Variants in ABR observed in about 807,000 individuals in gnomAD.
ABR encodes the protein ABR activator of RhoGEF and GTPase, also known as active breakpoint cluster region-related protein.
Under a neutral mutation model 107.2 loss-of-function variants are expected in ABR, and 35 were observed. The observed-to-expected ratio is 0.33, with a 90% CI of 0.25 to 0.43. The LOEUF is 0.43. Ranked by LOEUF, ABR falls within the 20% of genes least tolerant of loss-of-function variation. The pLI, the probability that ABR is intolerant of heterozygous loss-of-function variation, is 1.00. For synonymous variants in ABR, 498 were observed against 462.0 expected (o/e 1.08, Z -1.00); for missense variants, 815 against 1,115.2 (o/e 0.73, Z 3.83).
At chr17:1,032,633 G>A (rs62068335) in intron 16 of ABR, among the ~76,000 whole-genome samples, 6,046 of 82,706 alleles carry the variant, frequency 0.073, 79 homozygotes, top group Non-Finnish European at 0.097. Context: ...AGGACGCCAC[G>A]GGCAACCACC....
At chr17:1,087,372 G>A (rs2036664584) in intron 4 of ABR, among the ~76,000 whole-genome samples, 1 of 152,182 alleles carries the variant, frequency 6.6e-6, no homozygotes, top group Non-Finnish European at 1.5e-5. Context: ...TCCCAGTACA[G>A]AGGCAGAGCC....
chr17:1,060,870 T>G (rs1567676020), intron 10 of ABR, among the ~76,000 whole-genome samples: 1 of 152,034 alleles, frequency 6.6e-6, no homozygotes, highest in Non-Finnish European at 1.5e-5. Context: ...CGGACGCCTT[T>G]ATTCCCAGCT....
Position 1,129,200 on chromosome 17 carries a change from G to A in ABR, c.62-3833C>T, listed in dbSNP as rs79713909. 5.5e-3 allele frequency among the ~76,000 whole-genome samples: 839 copies of A among 152,288 alleles called. 10 individuals are homozygous for A. The highest frequency in any genetic ancestry group is 0.019 in the African/African-American group (794 of 41,552). On this transcript the variant is annotated intron_variant, in intron 1 of 22. Transcript: ENST00000302538. ...TGTTGGAGGGTGGAGGGCAAGGGGA[G>A]GGAGAGCATTAGGACAAATACCTAA...
chr17:1,011,883 G>A lies in ABR; in HGVS notation c.2064C>T (p.Ala688=). The A allele has an allele frequency of 1.2e-6, 2 of 1,600,692 alleles. No homozygotes were observed. Residue 688 remains alanine (A), a synonymous_variant, in exon 19 of 23, where the codon GCC becomes GCT. Transcript: ENST00000302538. The surrounding 1 kb of genome is among the most constrained non-coding windows in gnomAD (Gnocchi z 4.8). The part of the protein sequence containing the change: ...EVGIYRISGV[A]TDIQALKAVF... Reference sequence around the variant, plus strand: ...CGGCCTTGAGCGCCTGGATGTCCGTGGCCACGCCCGATATCCTGTAGATGC... The same window carrying A: ...CGGCCTTGAGCGCCTGGATGTCCGTAGCCACGCCCGATATCCTGTAGATGC...
chr17:1,210,008 C>T lies in ABR; in HGVS notation c.838+18785G>A, dbSNP rs574701367. On this transcript the variant is annotated intron_variant, in intron 1 of 22. Transcript: ENST00000574139. This position sits in a 1 kb window ranked among gnomAD's most constrained non-coding sequence, Gnocchi z 5.6. ...GAAAACAGATACATATGCCAAAGTG[C>T]CTTCAGAACCTCCAACAAATTAAAA... 4.6e-5 allele frequency among the ~76,000 whole-genome samples: 7 copies of T among 152,264 alleles called. No homozygotes were observed. In the South Asian group the frequency reaches 1.2e-3, roughly 27 times the overall value.
chr17:1,142,776 C>G (rs1165481653), intron 1 of ABR, among the ~76,000 whole-genome samples: 1 of 152,120 alleles, frequency 6.6e-6, no homozygotes, highest in Non-Finnish European at 1.5e-5. Flanking sequence ...GAACCACAGA[C>G]AGGCAGGGGT....
chr17:1,174,842 C>A (rs540476343), intron 1 of ABR, among the ~76,000 whole-genome samples: 44 of 152,076 alleles, frequency 2.9e-4, no homozygotes, highest in African/African-American at 1.1e-3. Context: ...GTCCTAAACA[C>A]ACATATAAAG....
chr17:1,042,828 C>T lies in ABR; in HGVS notation c.1791+7222G>A, dbSNP rs570288650. Among the ~76,000 whole-genome samples, 20 of 152,276 alleles carry T rather than the reference C, an allele frequency of 1.3e-4. No individual in the cohort carries two copies. In the East Asian group the frequency reaches 3.1e-3, roughly 23 times the overall value. ...CAGACGTGGCACCTACATCCACGGA[C>T]GGACGGGCAGATAAAGAGACGTGGC... is the stretch of plus-strand genomic sequence containing the variant. On this transcript the variant is annotated intron_variant, in intron 16 of 22. Coordinates refer to ENST00000302538, the MANE Select transcript of ABR (RefSeq NM_021962.5).
intron 1 of ABR, among the ~76,000 whole-genome samples, chr17:1,201,175 A>G (rs1173377731): frequency 6.6e-6 from 1 of 152,174 alleles, no homozygotes; most frequent in East Asian, 1.9e-4. Context: ...CACATCAGCA[A>G]TAGCTTCACG....
rs1356666948 is a variant in ABR, at chr17:1,210,850, AG to A, written c.838+17942del. Among the ~76,000 whole-genome samples the A allele has an allele frequency of 3.9e-5, 6 of 152,194 alleles. No individual in the cohort carries two copies. Among genetic ancestry groups the A allele is most frequent in the Non-Finnish European group, 1.5e-5 (1 of 68,040 alleles). The stretch of plus-strand genomic sequence containing the variant: ...TTGCATCCTTTTAACATCAACCTGT[AG>A]GGCCAGATGGACGGAAAGGGCCCTA... On this transcript the variant is annotated intron_variant, in intron 1 of 22. Coordinates refer to the ABR transcript ENST00000574139. The surrounding 1 kb of genome is among the most constrained non-coding windows in gnomAD (Gnocchi z 5.6).
intron 1 of ABR, among the ~76,000 whole-genome samples, chr17:1,199,226 G>A (rs1598112994): frequency 6.6e-6 from 1 of 150,832 alleles, no homozygotes; most frequent in South Asian, 2.1e-4. Context: ...AGGTGCCAGG[G>A]AAGACTGGGG....
At chr17:1,127,669 G>A (rs929295919) in intron 1 of ABR, among the ~76,000 whole-genome samples, 1 of 152,148 alleles carries the variant, frequency 6.6e-6, no homozygotes, top group South Asian at 2.1e-4. Flanking sequence ...ATAGTGGACC[G>A]CGGCTTTGCC....
intron 1 of ABR, among the ~76,000 whole-genome samples, chr17:1,195,543 G>A (rs1267109169): frequency 1.3e-5 from 2 of 151,904 alleles, no homozygotes; most frequent in Non-Finnish European, 2.9e-5. Flanking sequence ...AGTGGCTCAC[G>A]CCTGTCATCC....
At chr17:1,185,921 T>C (rs761395266) in intron 1 of ABR, among the ~76,000 whole-genome samples, 11 of 151,556 alleles carry the variant, frequency 7.3e-5, no homozygotes, top group Admixed American at 2.0e-4. Context: ...CTGCAACCTC[T>C]GCCTCCTGGG....
At chr17:1,079,502 A>C in intron 5 of ABR, 112 bp from the exon 6 acceptor site, 2 of 1,015,648 alleles carry the variant, frequency 2.0e-6, no homozygotes, top group Non-Finnish European at 3.0e-6. Context: ...ACATATGAGA[A>C]CAGAGGCCGG....
At chr17:1,008,645 G>C (rs558463915) in intron 21 of ABR, among the ~76,000 whole-genome samples, 19 of 152,330 alleles carry the variant, frequency 1.2e-4, no homozygotes, top group African/African-American at 4.6e-4. Context: ...ACCAGCCCCG[G>C]GCGCGTCCAG....
chr17:1,152,748 G>T (rs534911574), intron 1 of ABR, among the ~76,000 whole-genome samples: 1 of 152,032 alleles, frequency 6.6e-6, no homozygotes, highest in South Asian at 2.1e-4. Context: ...TTGGCCAAGC[G>T]CTCTGTTATC....
In ABR at chr17:1,179,296, G is replaced by A. The variant is rs1227830305; in HGVS notation, c.61+371C>T. On this transcript the variant is annotated intron_variant, in intron 1 of 22. Coordinates refer to ENST00000302538, the MANE Select transcript of ABR (RefSeq NM_021962.5). The surrounding 1 kb of genome is among the most constrained non-coding windows in gnomAD (Gnocchi z 4.9). ...AGAGAAGCTGCCGGTCCAGGGGCGG[G>A]GGCAGCACCCAGAAGGGCCTCCCTC... is the stretch of plus-strand genomic sequence containing the variant. Among the ~76,000 whole-genome samples, 1 of 152,132 alleles carries A rather than the reference G, an allele frequency of 6.6e-6. No individual in the cohort carries two copies. The highest frequency in any genetic ancestry group is 1.5e-5 in the Non-Finnish European group (1 of 68,024).
chr17:1,145,741 G>T (rs1207357057), intron 1 of ABR, among the ~76,000 whole-genome samples: 1 of 152,238 alleles, frequency 6.6e-6, no homozygotes, highest in Admixed American at 6.5e-5. Context: ...GCAGCAGCCA[G>T]GACCAGGATG....
Sources: allele counts gnomAD v4.1 joint callset (sites outside exome capture counted in the v4.1 genomes callset), GRCh38; gene constraint gnomAD v4.1.1; non-coding constraint Gnocchi (gnomAD v3.1); transcripts MANE v1.5; gene names NCBI Gene and HGNC (gene_info 2026-07-23, HGNC 2026-07-21).